SMIM20: variants seen among roughly 807,000 people sequenced by gnomAD.
The protein encoded by SMIM20 is small integral membrane protein 20.
Under a neutral mutation model 8.7 loss-of-function variants are expected in SMIM20, and 3 were observed. The ratio of observed to expected loss-of-function variants is 0.34; its 90% CI spans 0.16 to 0.89. SMIM20 has a LOEUF of 0.89. Among genes scored for constraint, SMIM20 ranks in the 40% least tolerant of loss-of-function variants. The probability of loss-of-function intolerance (pLI) is 0.49; values close to 1 mark genes in which losing one functional copy is unlikely to be tolerated. For synonymous variants in SMIM20, 44 were observed against 33.6 expected (o/e 1.31, Z -1.07); for missense variants, 85 against 84.8 (o/e 1.00, Z -0.01).
chr4:25,928,271 C>T (rs775193022), intron 1 of SMIM20, 42 bp from the exon 2 acceptor site: 78 of 1,536,390 alleles, frequency 5.1e-5, no homozygotes, highest in Non-Finnish European at 6.2e-5. Context: ...TCTCTCTCCC[C>T]GCCCCCCTTC....
intron 2 of SMIM20, 94 bp downstream of exon 2, chr4:25,928,463 A>C (rs1711571219): frequency 8.1e-7 from 1 of 1,240,058 alleles, no homozygotes; most frequent in African/African-American, 1.6e-5. Flanking sequence ...AGAGTGGGAA[A>C]ATGCCTTTTA....
At chr4:25,921,742 T>G (rs1719206328) in intron 1 of SMIM20, among the ~76,000 whole-genome samples, 4 of 152,106 alleles carry the variant, frequency 2.6e-5, no homozygotes, top group Middle Eastern at 6.8e-3. Context: ...ATTCAGAGAT[T>G]GTAAGGGGCA....
At chr4:25,920,505 A>G (rs377093597) in intron 1 of SMIM20, among the ~76,000 whole-genome samples, 1 of 152,238 alleles carries the variant, frequency 6.6e-6, no homozygotes, top group South Asian at 2.1e-4. Context: ...AAATGTTACT[A>G]TAAGAGTCAA....
intron 1 of SMIM20, among the ~76,000 whole-genome samples, chr4:25,916,100 T>C (rs918011287): frequency 1.6e-4 from 24 of 152,236 alleles, no homozygotes; most frequent in Non-Finnish European, 1.5e-5. Context: ...TCTGAATGTC[T>C]TGAGACAGAC....
intron 1 of SMIM20, among the ~76,000 whole-genome samples, chr4:25,919,602 C>A (rs1719163770): frequency 6.6e-6 from 1 of 152,162 alleles, no homozygotes; most frequent in East Asian, 1.9e-4. Context: ...GCTGTCTCAG[C>A]CTCTCAAAGT....
chr4:25,927,157 C>T (rs373961388), intron 1 of SMIM20, among the ~76,000 whole-genome samples: 3 of 152,226 alleles, frequency 2.0e-5, no homozygotes, highest in South Asian at 2.1e-4. Context: ...ACCATCAGGC[C>T]GCTTGTTGCC....
At chr4:25,923,279 C>T (rs1719230431) in intron 1 of SMIM20, among the ~76,000 whole-genome samples, 1 of 152,170 alleles carries the variant, frequency 6.6e-6, no homozygotes, top group Non-Finnish European at 1.5e-5. Context: ...TCTTTGTTTC[C>T]TAGAACTAGA....
chr4:25,928,237 T>C (rs2109366732), intron 1 of SMIM20, 76 bp from the exon 2 acceptor site: 10 of 1,394,650 alleles, frequency 7.2e-6, no homozygotes, highest in Non-Finnish European at 6.9e-6. Context: ...TCCCATGTCA[T>C]TGGCCCATGT....
intron 2 of SMIM20, 114 bp downstream of exon 2, chr4:25,928,483 C>A (rs765255455): frequency 3.0e-6 from 3 of 1,005,106 alleles, no homozygotes; most frequent in Non-Finnish European, 4.1e-6. Context: ...AGCTTAGAGA[C>A]AAGATTGTGA....
At chr4:25,917,778 T>C (rs975318063) in intron 1 of SMIM20, among the ~76,000 whole-genome samples, 1 of 152,194 alleles carries the variant, frequency 6.6e-6, no homozygotes, top group African/African-American at 2.4e-5. Context: ...TCCCACCTAC[T>C]ACCCATTCTC....
intron 1 of SMIM20, among the ~76,000 whole-genome samples, chr4:25,920,815 A>C (rs1719183910): frequency 1.3e-5 from 2 of 152,212 alleles, no homozygotes. Context: ...ATGTTTAGAC[A>C]CACAAATCTT....
At chr4:25,929,048 TA>T (rs1219271587) in intron 2 of SMIM20, 105 bp from the exon 3 acceptor site, 1 of 1,373,734 alleles carries the variant, frequency 7.3e-7, no homozygotes, top group Admixed American at 2.1e-5. Flanking sequence ...AACTACACTG[TA>T]AATTGCACAG....
chr4:25,922,632 G>T (rs767813186), intron 1 of SMIM20, among the ~76,000 whole-genome samples: 1 of 152,094 alleles, frequency 6.6e-6, no homozygotes, highest in East Asian at 1.9e-4. Context: ...TCTCCTGACC[G>T]TCCTTCATAC....
At chr4:25,917,409 C>A (rs575547902) in intron 1 of SMIM20, among the ~76,000 whole-genome samples, 2 of 152,138 alleles carry the variant, frequency 1.3e-5, no homozygotes, top group East Asian at 3.9e-4. Flanking sequence ...AAAATGTTTA[C>A]AAAATAATGA....
rs984169724 is a variant in SMIM20, at chr4:25,915,868, G to C, written c.109+1446G>C. Among the ~76,000 whole-genome samples, 4 of 123,414 alleles carry C rather than the reference G, an allele frequency of 3.2e-5. 1 individual carries two copies. Among genetic ancestry groups the C allele is most frequent in the East Asian group, 5.6e-4 (2 of 3,572 alleles). The allele number at this position is 123,414 out of a possible 152,430, so 81.0% of individuals were successfully genotyped here. On this transcript the variant is annotated intron_variant, in intron 1 of 2. Transcript: ENST00000506197. ...ACAACTTGGGATGGGGCGGGGGGGG[G>C]GTCGAGTGTTGCTACTGGTTTCTTG...
chr4:25,914,711 G>A (rs889811393), intron 1 of SMIM20, among the ~76,000 whole-genome samples: 3 of 152,284 alleles, frequency 2.0e-5, no homozygotes, highest in African/African-American at 7.2e-5. Flanking sequence ...ATAAGTCGAC[G>A]CTAAGTACCA....
At chr4:25,916,124 T>G (rs1481310404) in intron 1 of SMIM20, among the ~76,000 whole-genome samples, 1 of 152,240 alleles carries the variant, frequency 6.6e-6, no homozygotes, top group Non-Finnish European at 1.5e-5. Flanking sequence ...TCAGGTGATG[T>G]TCATCTGTGG....
chr4:25,925,761 G>C (rs905505825), intron 1 of SMIM20, among the ~76,000 whole-genome samples: 1 of 152,200 alleles, frequency 6.6e-6, no homozygotes, highest in African/African-American at 2.4e-5. Context: ...TCACACAGTC[G>C]ATGTATTTTC....
chr4:25,928,832 A>G lies in SMIM20; in HGVS notation c.167-322A>G, dbSNP rs367567547. 2.6e-5 allele frequency among the ~76,000 whole-genome samples: 4 copies of G among 152,374 alleles called. 1 individual carries two copies. In the East Asian group the frequency reaches 5.8e-4, roughly 22 times the overall value. Reference sequence around the variant, plus strand: ...TCCTTTCAGAGGATCCAAGTTAGCCAGGAATGAGAGGTTTCTCATTTATTA... The same window carrying G: ...TCCTTTCAGAGGATCCAAGTTAGCCGGGAATGAGAGGTTTCTCATTTATTA... On this transcript the variant is annotated intron_variant, in intron 2 of 2. Coordinates refer to ENST00000506197, the MANE Select transcript of SMIM20 (RefSeq NM_001145432.3).
Sources: allele counts gnomAD v4.1 joint callset (sites outside exome capture counted in the v4.1 genomes callset), GRCh38; gene constraint gnomAD v4.1.1; transcripts MANE v1.5; gene names NCBI Gene and HGNC (gene_info 2026-07-23, HGNC 2026-07-21).